The following ARHGAP39 variants were observed in gnomAD, a reference collection of about 807,000 sequenced individuals.
ARHGAP39 encodes rho GTPase-activating protein 39.
In ARHGAP39, 44 loss-of-function variants were observed where a neutral mutation model predicts 106.9. The ratio of observed to expected loss-of-function variants is 0.41; its 90% confidence interval spans 0.32 to 0.53. The LOEUF (loss-of-function observed/expected upper bound fraction) is 0.53, where lower values mean the gene tolerates loss of function less well. Ranked by LOEUF, ARHGAP39 falls within the 20% of genes least tolerant of loss-of-function variation. The pLI is 0.21. For missense variants in ARHGAP39, 1,496 were observed against 1,577.3 expected, an observed-to-expected ratio of 0.95 and a Z score of 0.87; for synonymous variants, 768 against 693.2, an observed-to-expected ratio of 1.11 and a Z score of -1.69.
chr8:144,628,331 G>A (rs1357438304), intron 1 of ARHGAP39, among the ~76,000 whole-genome samples: 1 of 152,052 alleles, frequency 6.6e-6, no homozygotes, highest in African/African-American at 2.4e-5. Flanking sequence ...CATTCAAGCA[G>A]GGGACACTCA....
chr8:144,613,491 T>G (rs1256932410), intron 1 of ARHGAP39, among the ~76,000 whole-genome samples: 2 of 131,662 alleles, frequency 1.5e-5, no homozygotes, highest in African/African-American at 6.6e-5. Context: ...TGGTGGACAG[T>G]TTTTTTTTTT....
chr8:144,600,270 C>T (rs1447576084), intron 2 of ARHGAP39, among the ~76,000 whole-genome samples: 1 of 124,148 alleles, frequency 8.1e-6, no homozygotes, highest in African/African-American at 3.2e-5. Flanking sequence ...GTGGGGGTGT[C>T]TGTGTGCTCC....
In ARHGAP39 at chr8:144,604,574, C is replaced by T. The variant is rs1311716575; in HGVS notation, c.80+961G>A. Among the ~76,000 whole-genome samples, 3 of 152,062 alleles carry T rather than the reference C, an allele frequency of 2.0e-5. No homozygotes were observed. Among genetic ancestry groups the T allele is most frequent in the Non-Finnish European group, 4.4e-5 (3 of 68,014 alleles). On this transcript the variant is annotated intron_variant, in intron 2 of 11. Coordinates refer to ENST00000377307, the MANE Select transcript of ARHGAP39 (RefSeq NM_025251.3). The surrounding 1 kb of genome is among the most constrained non-coding windows in gnomAD (Gnocchi z 4.1). Reference sequence around the variant, plus strand: ...TGTATTTTTTGTAGAGATGGGGTCTCGCTAGGTTGCCCAGGCTGGGATGAT... The same window carrying T: ...TGTATTTTTTGTAGAGATGGGGTCTTGCTAGGTTGCCCAGGCTGGGATGAT...
At chr8:144,533,551 T>G (rs1048533972) in intron 8 of ARHGAP39, among the ~76,000 whole-genome samples, 2 of 151,932 alleles carry the variant, frequency 1.3e-5, no homozygotes, top group Non-Finnish European at 2.9e-5. Flanking sequence ...TGGCTCTGCC[T>G]CCCCCTCCTC....
At chr8:144,579,201 CAAAAAAAAAAA>C (rs541332282) in intron 3 of ARHGAP39, among the ~76,000 whole-genome samples, 3 of 39,906 alleles carry the variant, frequency 7.5e-5, no homozygotes, top group South Asian at 2.6e-3. Flanking sequence ...GACTCTGTCT[CAAAAAAAAAAA>C]AAAAAAAAAA....
At chr8:144,689,919 G>A (rs942575370), upstream of ARHGAP39, among the ~76,000 whole-genome samples, 3 of 147,960 alleles carry the variant, frequency 2.0e-5, no homozygotes, top group Admixed American at 6.8e-5. Flanking sequence ...CTAATTTTTT[G>A]TATTTTTAGT....
At chr8:144,687,846 T>C (rs1349023572), upstream of ARHGAP39, among the ~76,000 whole-genome samples, 1 of 135,312 alleles carries the variant, frequency 7.4e-6, no homozygotes, top group African/African-American at 2.8e-5. Flanking sequence ...GACCACACAC[T>C]AGCAGTGAGC....
chr8:144,636,700 C>T (rs1821180117), intron 1 of ARHGAP39, among the ~76,000 whole-genome samples: 1 of 152,184 alleles, frequency 6.6e-6, no homozygotes, highest in African/African-American at 2.4e-5. Context: ...TTTAAAGGAC[C>T]AAGGTGGTTC....
rs1017642087 is a variant in ARHGAP39 at position 144,581,429 on chromosome 8, T to C, written c.81-152A>G. 6.7e-5 allele frequency: 63 copies of C among 941,406 alleles called. 1 individual carries two copies. The highest frequency in any genetic ancestry group is 8.7e-5 in the Non-Finnish European group (56 of 643,504). The allele number at this position is 941,406 out of a possible 1,614,324, so 58.3% of individuals were successfully genotyped here. On this transcript the variant is annotated intron_variant, in intron 2 of 11. Coordinates refer to ENST00000377307, the MANE Select transcript of ARHGAP39 (RefSeq NM_025251.3). ...CCAAGCCCAGTCCGCCCCTGACTGCTGTGCTCCTGAGCACCCGCAACCGGG... is the reference window on the plus strand; with the variant it reads ...CCAAGCCCAGTCCGCCCCTGACTGCCGTGCTCCTGAGCACCCGCAACCGGG...
chr8:144,661,329 C>T (rs1396585714), intron 1 of ARHGAP39, among the ~76,000 whole-genome samples: 1 of 152,202 alleles, frequency 6.6e-6, no homozygotes, highest in Non-Finnish European at 1.5e-5. Flanking sequence ...CGCATTCGCG[C>T]GTGACACTCC....
rs892544707 is a variant in ARHGAP39 at position 144,679,560 on chromosome 8, C to T, written c.-82+6126G>A. Among the ~76,000 whole-genome samples, 6 of 152,142 alleles carry T rather than the reference C, an allele frequency of 3.9e-5. No homozygotes were observed. Among genetic ancestry groups the T allele is most frequent in the Non-Finnish European group, 7.3e-5 (5 of 68,028 alleles). On this transcript the variant is annotated intron_variant, in intron 1 of 11. Transcript: ENST00000377307. This position sits in a 1 kb window ranked among gnomAD's most constrained non-coding sequence, Gnocchi z 4.7. Reference sequence around the variant, plus strand: ...TCTGGAGAAAGCTGTCCAGTAAACTCCTGGATTTGGATTTCTTCCTTCACC... The same window carrying T: ...TCTGGAGAAAGCTGTCCAGTAAACTTCTGGATTTGGATTTCTTCCTTCACC...
At chr8:144,626,638 C>T (rs1251255108) in intron 1 of ARHGAP39, among the ~76,000 whole-genome samples, 2 of 152,340 alleles carry the variant, frequency 1.3e-5, no homozygotes, top group East Asian at 3.9e-4. Flanking sequence ...CTGCAGCAGG[C>T]CCAGCAAAAG....
Position 144,685,810 on chromosome 8 carries a change from G to C in ARHGAP39, c.-206C>G, listed in dbSNP as rs1318680378. On this transcript the variant is annotated 5_prime_UTR_variant, in exon 1 of 12. Coordinates refer to ENST00000377307, the MANE Select transcript of ARHGAP39 (RefSeq NM_025251.3). ...CGCTGCTGCCGCGGCAGCCCGTGCT[G>C]TCGGCGTCCTCCGCCGCCGCCGCCG... is the stretch of plus-strand genomic sequence containing the variant. Among the ~76,000 whole-genome samples, 1 of 147,756 alleles carries C rather than the reference G, an allele frequency of 6.8e-6. No homozygotes were observed. Among genetic ancestry groups the C allele is most frequent in the Non-Finnish European group, 1.5e-5 (1 of 66,320 alleles).
the ARHGAP39 span, among the ~76,000 whole-genome samples, chr8:144,697,111 A>G: frequency 1.7e-3 from 262 of 152,208 alleles, 1 homozygote; most frequent in African/African-American, 6.0e-3. Context: ...GATCACTTGA[A>G]GTCAGGAGTT....
At chr8:144,619,142 A>G (rs949689097) in intron 1 of ARHGAP39, among the ~76,000 whole-genome samples, 3 of 152,136 alleles carry the variant, frequency 2.0e-5, no homozygotes, top group Non-Finnish European at 4.4e-5. Flanking sequence ...AGTTCCAGTC[A>G]TGAGTGGGCA....
intron 6 of ARHGAP39, among the ~76,000 whole-genome samples, chr8:144,540,393 A>C (rs560305542): frequency 1.3e-5 from 2 of 152,300 alleles, no homozygotes; most frequent in South Asian, 4.1e-4. Context: ...CTCAGAATAA[A>C]TAAATACATG....
intron 2 of ARHGAP39, among the ~76,000 whole-genome samples, chr8:144,597,256 G>A (rs966095017): frequency 1.3e-5 from 2 of 152,142 alleles, no homozygotes; most frequent in Non-Finnish European, 1.5e-5. Context: ...AGCTCCACCC[G>A]ATGCAGCAAC....
intron 1 of ARHGAP39, among the ~76,000 whole-genome samples, chr8:144,633,532 T>A (rs1259278255): frequency 6.6e-6 from 1 of 152,194 alleles, no homozygotes; most frequent in Non-Finnish European, 1.5e-5. Flanking sequence ...AAATCTTCCA[T>A]AATGCCCAAA....
intron 4 of ARHGAP39, among the ~76,000 whole-genome samples, chr8:144,549,695 G>A (rs541049294): frequency 4.5e-4 from 69 of 152,136 alleles, no homozygotes; most frequent in South Asian, 3.1e-3. Context: ...GGGTTTCACC[G>A]TGTTGGCCAG....
Sources: allele counts gnomAD v4.1 joint callset (sites outside exome capture counted in the v4.1 genomes callset), GRCh38; gene constraint gnomAD v4.1.1; non-coding constraint Gnocchi (gnomAD v3.1); transcripts MANE v1.5; gene names NCBI Gene and HGNC (gene_info 2026-07-23, HGNC 2026-07-21).